The following EVC2 variants were observed in gnomAD, a reference collection of about 807,000 sequenced individuals.
EVC2 encodes the protein EvC ciliary complex subunit 2, also known as limbin.
Under a neutral mutation model 149.3 loss-of-function variants are expected in EVC2, and 148 were observed. The observed-to-expected ratio is 0.99, with a 90% CI of 0.87 to 1.14. The LOEUF is 1.14. Ranked by LOEUF, EVC2 falls within the 50% of genes most tolerant of loss-of-function variation. The probability of loss-of-function intolerance (pLI) is 0.00; values close to 1 mark genes in which losing one functional copy is unlikely to be tolerated. For synonymous variants in EVC2, 776 were observed against 649.9 expected, an observed-to-expected ratio of 1.19 and a Z score of -2.95; for missense variants, 1,854 against 1,627.3, an observed-to-expected ratio of 1.14 and a Z score of -2.40.
intron 8 of EVC2, among the ~76,000 whole-genome samples, chr4:5,664,517 C>T (rs1342733294): frequency 6.6e-6 from 1 of 152,194 alleles, no homozygotes; most frequent in Non-Finnish European, 1.5e-5. Flanking sequence ...TTGATAACAG[C>T]TTTGGGAGAA....
At chr4:5,585,962 A>G (rs1712242864) in intron 16 of EVC2, among the ~76,000 whole-genome samples, 1 of 152,144 alleles carries the variant, frequency 6.6e-6, no homozygotes, top group Non-Finnish European at 1.5e-5. Flanking sequence ...CCTGGGTTCA[A>G]GTGATTTTCC....
chr4:5,565,398 G>C (rs765032859), intron 20 of EVC2, 39 bp from the exon 21 acceptor site: 1 of 1,586,586 alleles, frequency 6.3e-7, no homozygotes, highest in African/African-American at 1.3e-5. Context: ...TCAAAAATAC[G>C]CCTGTAATCC....
At chr4:5,588,961 T>A (rs903865110) in intron 16 of EVC2, among the ~76,000 whole-genome samples, 1 of 152,258 alleles carries the variant, frequency 6.6e-6, no homozygotes, top group Admixed American at 6.5e-5. Context: ...TGCCATTCTC[T>A]GTCAATTCTA....
intron 16 of EVC2, among the ~76,000 whole-genome samples, chr4:5,603,490 G>A (rs538033228): frequency 1.3e-5 from 2 of 152,306 alleles, no homozygotes; most frequent in East Asian, 3.9e-4. Flanking sequence ...TCACTGAAAA[G>A]CAGCACATTA....
chr4:5,654,075 G>A (rs1301000447), intron 9 of EVC2, among the ~76,000 whole-genome samples: 5 of 152,148 alleles, frequency 3.3e-5, no homozygotes, highest in South Asian at 2.1e-4. Flanking sequence ...TTAGCTGGGC[G>A]TGGTGGCGGG....
intron 1 of EVC2, 43 bp downstream of exon 1, chr4:5,708,243 A>G: frequency 7.0e-7 from 1 of 1,437,078 alleles, no homozygotes; most frequent in South Asian, 1.4e-5. Flanking sequence ...ACAAAGTCAA[A>G]CCACTACAGT....
chr4:5,696,481 C>T lies in EVC2; in HGVS notation c.283+1112G>A, dbSNP rs1339855387. ...CCCAGGGATAGGTTCAGGGACAGGC[C>T]GGGGACCCACGCTGAGCCCAGGGGC... On this transcript the variant is annotated intron_variant, in intron 2 of 21. Coordinates refer to ENST00000344408, the MANE Select transcript of EVC2 (RefSeq NM_147127.5). The surrounding 1 kb of genome is among the most constrained non-coding windows in gnomAD (Gnocchi z 4.1). 1.3e-5 allele frequency among the ~76,000 whole-genome samples: 2 copies of T among 152,156 alleles called. No homozygotes were observed. The highest frequency in any genetic ancestry group is 4.8e-5 in the African/African-American group (2 of 41,438).
chr4:5,555,942 G>A (rs574255980), intron 21 of EVC2, among the ~76,000 whole-genome samples: 1 of 152,218 alleles, frequency 6.6e-6, no homozygotes, highest in South Asian at 2.1e-4. Flanking sequence ...CACTTTGGGA[G>A]GCTGAGGCAG....
chr4:5,554,714 C>T (rs979714987), intron 21 of EVC2, among the ~76,000 whole-genome samples: 2 of 152,134 alleles, frequency 1.3e-5, no homozygotes, highest in African/African-American at 2.4e-5. Context: ...ACAGAGAAGA[C>T]TGGGAATACA....
At chr4:5,579,719 T>C (rs1711585056) in intron 17 of EVC2, among the ~76,000 whole-genome samples, 1 of 152,128 alleles carries the variant, frequency 6.6e-6, no homozygotes, top group Non-Finnish European at 1.5e-5. Context: ...TGCATGCCTA[T>C]AGTCCCAGCT....
chr4:5,647,404 A>G (rs1190470751), intron 9 of EVC2, among the ~76,000 whole-genome samples: 4 of 152,222 alleles, frequency 2.6e-5, no homozygotes, highest in African/African-American at 9.6e-5. Context: ...TTACCATCTT[A>G]GATTAAAATA....
At chr4:5,585,743 GCCC>G (rs1311435219) in intron 16 of EVC2, among the ~76,000 whole-genome samples, 1 of 151,730 alleles carries the variant, frequency 6.6e-6, no homozygotes, top group Non-Finnish European at 1.5e-5. Context: ...CCCACCCCCT[GCCC>G]CCCACTTAGC....
At chr4:5,690,494 C>T (rs1485142632) in intron 4 of EVC2, among the ~76,000 whole-genome samples, 1 of 151,418 alleles carries the variant, frequency 6.6e-6, no homozygotes, top group Non-Finnish European at 1.5e-5. Context: ...TTGGACCCTG[C>T]TGTACTGAAA....
At chr4:5,690,455 G>C (rs1349593814) in intron 4 of EVC2, among the ~76,000 whole-genome samples, 3 of 150,130 alleles carry the variant, frequency 2.0e-5, no homozygotes, top group Non-Finnish European at 2.9e-5. Context: ...TCACCAGATA[G>C]CTGATGCCAA....
intron 11 of EVC2, 90 bp from the exon 12 acceptor site, chr4:5,628,824 T>C: frequency 7.6e-7 from 1 of 1,309,718 alleles, no homozygotes; most frequent in Non-Finnish European, 1.0e-6. Context: ...TTTTTCCTTT[T>C]ATAAGAAAAT....
intron 7 of EVC2, 108 bp from the exon 8 acceptor site, chr4:5,665,757 C>G: frequency 1.3e-6 from 2 of 1,515,832 alleles, no homozygotes; most frequent in Non-Finnish European, 1.8e-6. Context: ...CCAGGGGACT[C>G]GCTTGCATTT....
chr4:5,643,751 T>A (rs1717507299), intron 9 of EVC2, among the ~76,000 whole-genome samples: 1 of 152,094 alleles, frequency 6.6e-6, no homozygotes, highest in African/African-American at 2.4e-5. Context: ...TGAAATGCCA[T>A]CTCCACTAAA....
intron 7 of EVC2, among the ~76,000 whole-genome samples, chr4:5,675,660 G>A (rs1242501238): frequency 6.6e-6 from 1 of 151,896 alleles, no homozygotes; most frequent in Non-Finnish European, 1.5e-5. Context: ...AATTAGTATT[G>A]GAGCCTGGGT....
rs190720054 is a variant in EVC2, at chr4:5,686,904, C to T, written c.707-1425G>A. The stretch of plus-strand genomic sequence containing the variant: ...CACTGCCCTCAGGGAATGTAGAGCC[C>T]AGTAGGTAGAGCTAAGCATGGGCAT... On this transcript the variant is annotated intron_variant, in intron 5 of 21. Transcript: ENST00000344408. This position sits in a 1 kb window ranked among gnomAD's most constrained non-coding sequence, Gnocchi z 5.4. 1.9e-3 allele frequency among the ~76,000 whole-genome samples: 290 copies of T among 152,140 alleles called. 3 individuals carry two copies. The highest frequency in any genetic ancestry group is 5.0e-3 in the Admixed American group (77 of 15,282).
Sources: gnomAD v4.1 joint callset for allele counts (sites outside exome capture counted in the v4.1 genomes callset) on GRCh38, gnomAD v4.1.1 for gene constraint, Gnocchi (gnomAD v3.1) non-coding constraint, MANE v1.5 for transcripts, NCBI Gene and HGNC (gene_info 2026-07-23, HGNC 2026-07-21) for gene names.